Variants in NCAM1 observed in about 807,000 individuals in gnomAD.
NCAM1 encodes antigen recognized by monoclonal antibody 5.1H11.
In NCAM1, 14 loss-of-function variants were observed where a neutral mutation model predicts 109.8. The observed-to-expected ratio is 0.13, with a 90% CI of 0.08 to 0.20. The LOEUF is 0.20. Among genes scored for constraint, NCAM1 ranks in the 10% least tolerant of loss-of-function variants. The pLI, the probability that NCAM1 is intolerant of heterozygous loss-of-function variation, is 1.00. For synonymous variants in NCAM1, 418 were observed against 442.9 expected (o/e 0.94, Z 0.70); for missense variants, 774 against 1,109.9 (o/e 0.70, Z 4.30).
intron 1 of NCAM1, among the ~76,000 whole-genome samples, chr11:113,190,367 AT>A (rs782347820): frequency 3.9e-5 from 6 of 152,194 alleles, no homozygotes; most frequent in Admixed American, 1.3e-4. Context: ...AAGTAATGCT[AT>A]GGGTAATTCT....
intron 1 of NCAM1, among the ~76,000 whole-genome samples, chr11:113,015,564 C>CAAAA (rs1401093408): frequency 6.6e-6 from 1 of 151,818 alleles, no homozygotes; most frequent in Non-Finnish European, 1.5e-5. Flanking sequence ...GGTGAAACCC[C>CAAAA]ATCTCTACTA....
At chr11:113,032,365 G>A (rs1952747825) in intron 1 of NCAM1, among the ~76,000 whole-genome samples, 1 of 152,120 alleles carries the variant, frequency 6.6e-6, no homozygotes, top group African/African-American at 2.4e-5. Flanking sequence ...CAGCAGGGAT[G>A]TGGGACTGCA....
Position 113,157,136 on chromosome 11 carries a change from G to GACACACACACAC in NCAM1, c.53-45225_53-45214dup, listed in dbSNP as rs112454729. 7.8e-3 allele frequency among the ~76,000 whole-genome samples: 1,146 copies of GACACACACACAC among 146,962 alleles called. 10 individuals are homozygous for GACACACACACAC. The highest frequency in any genetic ancestry group is 0.025 in the African/African-American group (1,019 of 40,242). ...TTAAAGACAAAAGGTGTTTCCCTGA[G>GACACACACACAC]ACACACACACACACACACACACACA... On this transcript the variant is annotated intron_variant, in intron 1 of 19. Coordinates refer to ENST00000316851, the MANE Select transcript of NCAM1 (RefSeq NM_181351.5).
intron 8 of NCAM1, among the ~76,000 whole-genome samples, chr11:113,217,819 A>G (rs1944574310): frequency 6.6e-6 from 1 of 152,184 alleles, no homozygotes; most frequent in African/African-American, 2.4e-5. Flanking sequence ...CATGGTGGCA[A>G]TTTGGGAAGA....
At chr11:113,186,295 C>T (rs781998423) in intron 1 of NCAM1, among the ~76,000 whole-genome samples, 12 of 152,062 alleles carry the variant, frequency 7.9e-5, no homozygotes, top group East Asian at 1.9e-4. Context: ...GAAGTGCGTG[C>T]GAGGGTTCTA....
chr11:113,166,669 G>A (rs528928957), intron 1 of NCAM1, among the ~76,000 whole-genome samples: 1 of 152,168 alleles, frequency 6.6e-6, no homozygotes, highest in East Asian at 1.9e-4. Flanking sequence ...TAGATCATGG[G>A]GAAGCCTTTC....
chr11:113,195,053 G>A (rs1188188212), intron 1 of NCAM1, among the ~76,000 whole-genome samples: 1 of 152,168 alleles, frequency 6.6e-6, no homozygotes, highest in Non-Finnish European at 1.5e-5. Context: ...ACTTCCAGTG[G>A]CAATTAATGT....
chr11:113,199,841 A>C (rs1176310266), intron 1 of NCAM1, among the ~76,000 whole-genome samples: 1 of 151,420 alleles, frequency 6.6e-6, no homozygotes, highest in Non-Finnish European at 1.5e-5. Context: ...AAAAAAAAAA[A>C]AAAAAAAACT....
chr11:113,108,066 T>G (rs1555092900), intron 1 of NCAM1, among the ~76,000 whole-genome samples: 1 of 152,190 alleles, frequency 6.6e-6, no homozygotes, highest in African/African-American at 2.4e-5. Context: ...TGAAGATGAA[T>G]TAAACCAACG....
chr11:113,060,048 G>A (rs1299391341), intron 1 of NCAM1, among the ~76,000 whole-genome samples: 6 of 152,206 alleles, frequency 3.9e-5, no homozygotes, highest in African/African-American at 9.7e-5. Flanking sequence ...CTGGGTGTGA[G>A]ATTCTCAAAA....
chr11:113,036,424 C>T (rs67483103), intron 1 of NCAM1, among the ~76,000 whole-genome samples: 20,063 of 151,802 alleles, frequency 0.13, 1,337 homozygotes, highest in African/African-American at 0.15. Context: ...TCTAGGGTGC[C>T]TCTCCCCCAT....
intron 1 of NCAM1, among the ~76,000 whole-genome samples, chr11:113,074,144 T>C (rs1386470938): frequency 6.6e-6 from 1 of 152,228 alleles, no homozygotes; most frequent in Non-Finnish European, 1.5e-5. Context: ...TGTCCTTCTC[T>C]CCAGATTCCC....
At chr11:112,980,163 G>A (rs1406770240) in intron 1 of NCAM1, among the ~76,000 whole-genome samples, 1 of 151,734 alleles carries the variant, frequency 6.6e-6, no homozygotes, top group Non-Finnish European at 1.5e-5. Context: ...ACACCCGCTA[G>A]GATGGCTAGA....
intron 8 of NCAM1, among the ~76,000 whole-genome samples, chr11:113,215,670 T>C (rs1944505018): frequency 6.6e-6 from 1 of 152,246 alleles, no homozygotes; most frequent in Non-Finnish European, 1.5e-5. Flanking sequence ...TTGCAACTTT[T>C]ACCTGCAGAG....
In NCAM1 at chr11:113,274,331, C is replaced by T. The variant is rs1234812555; in HGVS notation, c.2457-936C>T. On this transcript the variant is annotated intron_variant, in intron 19 of 19. Coordinates refer to ENST00000316851, the MANE Select transcript of NCAM1 (RefSeq NM_181351.5). The surrounding 1 kb of genome is among the most constrained non-coding windows in gnomAD (Gnocchi z 4.1). ...CTCGGGGCTCCCCAGCATCAAATGG[C>T]TGCTGGGTCTCAAAGTTCAAGAGAA... Among the ~76,000 whole-genome samples, 1 of 152,198 alleles carries T rather than the reference C, an allele frequency of 6.6e-6. No homozygotes were observed. The highest frequency in any genetic ancestry group is 1.5e-5 in the Non-Finnish European group (1 of 68,034).
intron 17 of NCAM1, among the ~76,000 whole-genome samples, chr11:113,268,031 C>T (rs1166789135): frequency 1.3e-5 from 2 of 152,196 alleles, no homozygotes; most frequent in Non-Finnish European, 2.9e-5. Flanking sequence ...CACTTTACAC[C>T]TATCGGGTAC....
rs547462090 is a variant in NCAM1, at chr11:113,238,511, A to G, written c.1825+3347A>G. ...CCCTAGACCCATCCTGAAAACAGAT[A>G]TCATTGGGAGGATGCTGCCAGCAGT... On this transcript the variant is annotated intron_variant, in intron 14 of 19. Transcript: ENST00000316851. 1.7e-4 allele frequency among the ~76,000 whole-genome samples: 26 copies of G among 152,282 alleles called. No individual in the cohort carries two copies. In the East Asian group the frequency reaches 5.0e-3, roughly 29 times the overall value.
chr11:113,264,646 A>T, intron 17 of NCAM1: 2 of 985,470 alleles, frequency 2.0e-6, no homozygotes, highest in South Asian at 9.4e-5. Flanking sequence ...CCTCCCCCTG[A>T]TCCCAGGACC....
At chr11:113,248,246 A>AAG (rs1945560334) in intron 15 of NCAM1, among the ~76,000 whole-genome samples, 1 of 151,064 alleles carries the variant, frequency 6.6e-6, no homozygotes, top group African/African-American at 2.4e-5. Flanking sequence ...AAAAAAAAAA[A>AAG]TCGCTGACAG....
Sources: gnomAD v4.1 joint callset for allele counts (sites outside exome capture counted in the v4.1 genomes callset) on GRCh38, gnomAD v4.1.1 for gene constraint, Gnocchi (gnomAD v3.1) non-coding constraint, MANE v1.5 for transcripts, NCBI Gene and HGNC (gene_info 2026-07-23, HGNC 2026-07-21) for gene names.